RPS6KA5: variants seen among roughly 807,000 people sequenced by gnomAD.
RPS6KA5 encodes the protein ribosomal protein S6 kinase A5.
RPS6KA5 carries 27 observed loss-of-function variants against 85.5 expected under a neutral mutation model. The ratio of observed to expected loss-of-function variants is 0.32; its 90% confidence interval spans 0.23 to 0.44. The LOEUF (loss-of-function observed/expected upper bound fraction) is 0.44, where lower values mean the gene tolerates loss of function less well. Ranked by LOEUF, RPS6KA5 falls within the 20% of genes least tolerant of loss-of-function variation. The probability of loss-of-function intolerance (pLI) is 1.00; values close to 1 mark genes in which losing one functional copy is unlikely to be tolerated. For synonymous variants in RPS6KA5, 334 were observed against 348.2 expected (o/e 0.96, Z 0.46); for missense variants, 811 against 980.9 (o/e 0.83, Z 2.31).
rs536603380 is a variant in RPS6KA5 at position 90,880,616 on chromosome 14, C to T, written c.1837-5256G>A. The stretch of plus-strand genomic sequence containing the variant: ...CTCTATTTCCTTCTTATCTTCTGGC[C>T]GGTTGTTTTATCCATTATTGAGAGT... On this transcript the variant is annotated intron_variant, in intron 14 of 16. Coordinates refer to ENST00000614987, the MANE Select transcript of RPS6KA5 (RefSeq NM_004755.4). Among the ~76,000 whole-genome samples the T allele has an allele frequency of 7.9e-5, 12 of 152,072 alleles. 1 individual carries two copies. The highest frequency in any genetic ancestry group is 2.0e-4 in the Admixed American group (3 of 15,270).
intron 1 of RPS6KA5, among the ~76,000 whole-genome samples, chr14:91,015,458 T>C (rs1162401308): frequency 6.6e-6 from 1 of 152,194 alleles, no homozygotes; most frequent in Non-Finnish European, 1.5e-5. Flanking sequence ...TATTATGTTT[T>C]GAATTACACT....
At chr14:91,038,928 T>C (rs879737396) in intron 1 of RPS6KA5, among the ~76,000 whole-genome samples, 94 of 152,194 alleles carry the variant, frequency 6.2e-4, no homozygotes, top group African/African-American at 1.8e-3. Context: ...ATCTGTCCTA[T>C]AGTCACAAGC....
intron 14 of RPS6KA5, among the ~76,000 whole-genome samples, chr14:90,877,623 T>C (rs2033564299): frequency 6.6e-6 from 1 of 152,222 alleles, no homozygotes. Context: ...CAGTTCCCCA[T>C]ATTCCAATCC....
chr14:90,985,087 A>G (rs1056835971), intron 2 of RPS6KA5, among the ~76,000 whole-genome samples: 3 of 151,968 alleles, frequency 2.0e-5, no homozygotes, highest in South Asian at 2.1e-4. Context: ...ATTACAACGC[A>G]TGCGCCACCA....
chr14:90,904,199 T>C (rs1031076906), intron 8 of RPS6KA5, among the ~76,000 whole-genome samples: 16 of 152,204 alleles, frequency 1.1e-4, no homozygotes, highest in Non-Finnish European at 2.1e-4. Flanking sequence ...TCCGCCCACC[T>C]TGGCCTCCCG....
intron 2 of RPS6KA5, among the ~76,000 whole-genome samples, chr14:90,997,962 T>C (rs2040600635): frequency 7.2e-6 from 1 of 138,434 alleles, no homozygotes; most frequent in Non-Finnish European, 1.5e-5. Context: ...GCTGTGAGAT[T>C]GCGCCACTGC....
intron 2 of RPS6KA5, among the ~76,000 whole-genome samples, chr14:90,994,563 T>C (rs2040436814): frequency 9.3e-6 from 1 of 107,126 alleles, no homozygotes; most frequent in African/African-American, 4.7e-5. Flanking sequence ...TGTTTGTGAT[T>C]TTTTTTTTTT....
rs1352653226 is a variant in RPS6KA5, at chr14:90,870,434, A to G, written c.*1640T>C. 6.6e-6 allele frequency: 1 copy of G among 152,246 alleles called. No individual in the cohort carries two copies. The allele number at this position is 152,246 out of a possible 1,614,324, so 9.4% of individuals were successfully genotyped here. A position where few individuals can be genotyped will look rare whatever the true frequency, so the allele number is the denominator to read the frequency against. On this transcript the variant is annotated 3_prime_UTR_variant, in exon 17 of 17. Coordinates refer to ENST00000614987, the MANE Select transcript of RPS6KA5 (RefSeq NM_004755.4). ...ATTATTCCCAATAACCACTGTGGACAAAATGTGAACAGGATAATATAATAT... is the reference window on the plus strand; with the variant it reads ...ATTATTCCCAATAACCACTGTGGACGAAATGTGAACAGGATAATATAATAT...
Position 91,060,357 on chromosome 14 carries a change from G to C in RPS6KA5, c.78C>G (p.Leu26=), listed in dbSNP as rs781535016. The part of the protein sequence containing the change: ...ADGGDGGEQL[L]TVKHELRTAN... The stretch of plus-strand genomic sequence containing the variant: ...CAGTCCGCAGCTCGTGCTTGACAGT[G>C]AGGAGCTGCTCTCCTCCGTCGCCGC... Residue 26 remains leucine, a synonymous_variant, in exon 1 of 17, where the codon CTC becomes CTG. Transcript: ENST00000614987. 7.4e-6 allele frequency: 11 copies of C among 1,481,120 alleles called. No homozygotes were observed. The East Asian group carries it at 1.4e-4, about 18-fold the overall frequency. 91.7% of individuals were successfully genotyped at this position (1,481,120 alleles called of 1,614,324 possible).
intron 1 of RPS6KA5, among the ~76,000 whole-genome samples, chr14:91,006,601 C>T (rs1315841957): frequency 2.0e-5 from 3 of 152,114 alleles, no homozygotes; most frequent in Admixed American, 6.5e-5. Context: ...GCTGCCAGCA[C>T]CTTAATCTTG....
intron 1 of RPS6KA5, among the ~76,000 whole-genome samples, chr14:91,017,632 G>C (rs1048929828): frequency 2.6e-5 from 4 of 152,182 alleles, no homozygotes; most frequent in African/African-American, 9.7e-5. Flanking sequence ...CCAGTAAATA[G>C]TGCCACTTCT....
At position 90,900,587 on chromosome 14, in the gene RPS6KA5, ATATAAG is replaced by A; in HGVS notation, c.1245+18_1245+23del. 1.2e-6 allele frequency: 2 copies of A among 1,604,150 alleles called. No individual in the cohort carries two copies. Among genetic ancestry groups the A allele is most frequent in the Non-Finnish European group, 1.7e-6 (2 of 1,176,004 alleles). On this transcript the variant is annotated intron_variant, in intron 10 of 16. Transcript: ENST00000614987. ...CACTCACAAAACCTACAAATATGTC[ATATAAG>A]TTACCACATCTATATACCTTCATCA...
In RPS6KA5 at chr14:90,857,573, T is replaced by C. The variant is rs928512646; in HGVS notation, c.*14501A>G. 2 of 152,220 alleles carry C rather than the reference T, an allele frequency of 1.3e-5. No homozygotes were observed. The highest frequency in any genetic ancestry group is 2.9e-5 in the Non-Finnish European group (2 of 68,040). 9.4% of individuals were successfully genotyped at this position (152,220 alleles called of 1,614,324 possible). ...GATTTTTATGTAACACAGAAACTCA[T>C]AGTTAGGGAATTGGGCTTGCAAAAG... On this transcript the variant is annotated 3_prime_UTR_variant, in exon 17 of 17. Transcript: ENST00000614987.
intron 1 of RPS6KA5, among the ~76,000 whole-genome samples, chr14:91,027,355 G>A (rs1373942880): frequency 6.6e-6 from 1 of 152,102 alleles, no homozygotes; most frequent in Non-Finnish European, 1.5e-5. Context: ...ACCATTTCTT[G>A]AATAGGAAGA....
chr14:91,020,656 A>C (rs1228236955), intron 1 of RPS6KA5, among the ~76,000 whole-genome samples: 1 of 93,614 alleles, frequency 1.1e-5, no homozygotes. Flanking sequence ...GTGTGTTTAT[A>C]TGTGTATGTG....
At chr14:91,007,511 A>G (rs1188399874) in intron 1 of RPS6KA5, among the ~76,000 whole-genome samples, 2 of 152,280 alleles carry the variant, frequency 1.3e-5, no homozygotes, top group African/African-American at 2.4e-5. Flanking sequence ...AAGCTCTTAG[A>G]ATTTTTTTAT....
At chr14:90,900,068 G>A in intron 11 of RPS6KA5, 40 bp downstream of exon 11, 3 of 1,443,808 alleles carry the variant, frequency 2.1e-6, no homozygotes, top group Non-Finnish European at 2.8e-6. Flanking sequence ...CAGAATTCAT[G>A]AATACCTAAG....
intron 5 of RPS6KA5, among the ~76,000 whole-genome samples, chr14:90,925,565 C>T (rs990002590): frequency 2.0e-5 from 3 of 152,108 alleles, no homozygotes; most frequent in African/African-American, 7.2e-5. Flanking sequence ...CAGAGATATT[C>T]TCACAACTTA....
intron 4 of RPS6KA5, among the ~76,000 whole-genome samples, chr14:90,946,666 T>C (rs1389165232): frequency 6.6e-6 from 1 of 152,192 alleles, no homozygotes; most frequent in African/African-American, 2.4e-5. Context: ...GGCTTCATGA[T>C]GTACCTGAAT....
Sources: gnomAD v4.1 joint callset for allele counts (sites outside exome capture counted in the v4.1 genomes callset) on GRCh38, gnomAD v4.1.1 for gene constraint, MANE v1.5 for transcripts, NCBI Gene and HGNC (gene_info 2026-07-23, HGNC 2026-07-21) for gene names.